Variants in ACSM2B observed in about 807,000 individuals in gnomAD.
ACSM2B encodes acyl-coenzyme A synthetase ACSM2B, mitochondrial.
A neutral mutation model predicts 78.6 loss-of-function variants in ACSM2B; 58 were observed. The ratio of observed to expected loss-of-function variants is 0.74; its 90% CI spans 0.60 to 0.92. The LOEUF (loss-of-function observed/expected upper bound fraction) is 0.92. Ranked by LOEUF, ACSM2B falls within the 40% of genes least tolerant of loss-of-function variation. ACSM2B has a pLI of 0.00. For missense variants in ACSM2B, 688 were observed against 711.2 expected (o/e 0.97, Z 0.37); for synonymous variants, 257 against 256.8 (o/e 1.00, Z -0.01).
chr16:20,568,961 T>C (rs2016014378), intron 1 of ACSM2B, among the ~76,000 whole-genome samples: 1 of 151,934 alleles, frequency 6.6e-6, no homozygotes, highest in Non-Finnish European at 1.5e-5. Context: ...TTCTGAATAT[T>C]AGTCCTTTGT....
intron 1 of ACSM2B, among the ~76,000 whole-genome samples, chr16:20,570,841 T>G (rs1408856365): frequency 6.6e-6 from 1 of 152,076 alleles, no homozygotes; most frequent in Non-Finnish European, 1.5e-5. Flanking sequence ...CTCCTCTAAG[T>G]TTTTTAGTTT....
rs757662355 is a variant in ACSM2B, at chr16:20,546,394, C to A, written c.1179G>T (p.Gln393His). 8.7e-6 allele frequency: 14 copies of A among 1,602,272 alleles called. No homozygotes were observed. The highest frequency in any genetic ancestry group is 1.1e-5 in the Non-Finnish European group (13 of 1,174,188). The change falls in exon 9 of 14, where the codon CAG becomes CAT. Residue 393 changes from glutamine (Q) to histidine (H), a missense_variant and splice_region_variant. Gln to His is a conservative substitution (Grantham distance 24, BLOSUM62 0). Transcript: ENST00000329697. ...MGTAASCYDVQVIDDKGNVLP... is the reference protein window; with the variant it reads ...MGTAASCYDVHVIDDKGNVLP... ...TCCCTCCTCAGTGTCCCGAGCAAAC[C>A]TGTACATCATAACAGGAAGCAGCCG... is the stretch of plus-strand genomic sequence containing the variant.
At chr16:20,566,676 C>CTATATATACTATATATACTAT (rs1435556712) in intron 1 of ACSM2B, among the ~76,000 whole-genome samples, 2 of 5,604 alleles carry the variant, frequency 3.6e-4, no homozygotes, top group Non-Finnish European at 7.0e-4. Context: ...ATAGTATATA[C>CTATATATACTATATATACTAT]ATATAGTATA....
chr16:20,545,102 G>T (rs549069424), intron 10 of ACSM2B, 55 bp downstream of exon 10: 9 of 1,565,282 alleles, frequency 5.7e-6, no homozygotes, highest in South Asian at 1.2e-5. Flanking sequence ...CCCTCATCCC[G>T]TTTAGTGCTC....
intron 10 of ACSM2B, chr16:20,544,748 G>C: frequency 2.0e-6 from 2 of 986,482 alleles, no homozygotes; most frequent in Non-Finnish European, 2.4e-6. Context: ...CCTCCAACTA[G>C]ATGGTGAAGT....
intron 1 of ACSM2B, among the ~76,000 whole-genome samples, chr16:20,573,462 C>T (rs2016150194): frequency 6.8e-6 from 1 of 147,236 alleles, no homozygotes; most frequent in African/African-American, 2.7e-5. Context: ...AATGCTGTCA[C>T]TACTGGGTGG....
At chr16:20,545,956 G>T (rs531828869) in intron 9 of ACSM2B, among the ~76,000 whole-genome samples, 17 of 152,064 alleles carry the variant, frequency 1.1e-4, no homozygotes, top group African/African-American at 4.1e-4. Context: ...CCCTTGGTCC[G>T]ATAAAAGGCA....
At chr16:20,573,357 C>T (rs2016146809) in intron 1 of ACSM2B, among the ~76,000 whole-genome samples, 1 of 150,320 alleles carries the variant, frequency 6.7e-6, no homozygotes, top group Admixed American at 6.6e-5. Context: ...TTGGCAACTG[C>T]CTCAGGGGAG....
At chr16:20,570,918 T>A (rs541494392) in intron 1 of ACSM2B, among the ~76,000 whole-genome samples, 1 of 151,886 alleles carries the variant, frequency 6.6e-6, no homozygotes, top group African/African-American at 2.4e-5. Flanking sequence ...AGTTGTAATA[T>A]CTCCCATTTC....
At chr16:20,557,159 T>G (rs755958490) in intron 3 of ACSM2B, among the ~76,000 whole-genome samples, 16 of 152,238 alleles carry the variant, frequency 1.1e-4, no homozygotes, top group Non-Finnish European at 1.9e-4. Context: ...AAGTTGATGA[T>G]TCTCAAATTT....
Position 20,561,967 on chromosome 16 carries a change from G to GT in ACSM2B, c.178-2521_178-2520insA, listed in dbSNP as rs1361980290. Among the ~76,000 whole-genome samples the GT allele has an allele frequency of 5.9e-3, 72 of 12,238 alleles. 1 individual carries two copies. The East Asian group carries it at 0.37, about 63-fold the overall frequency. The allele number at this position is 12,238 out of a possible 152,430, so 8.0% of individuals were successfully genotyped here. A position where few individuals can be genotyped will look rare whatever the true frequency, so the allele number is the denominator to read the frequency against. ...CTATGAGTGAGAACATGCAGTGTTT[G>GT]GTTTTTTTGTCCTTGCCATGGTTTG... On this transcript the variant is annotated intron_variant, in intron 2 of 13. Coordinates refer to ENST00000329697, the MANE Select transcript of ACSM2B (RefSeq NM_001105069.2).
At chr16:20,539,846 C>A (rs2014937460) in intron 13 of ACSM2B, among the ~76,000 whole-genome samples, 1 of 152,004 alleles carries the variant, frequency 6.6e-6, no homozygotes, top group South Asian at 2.1e-4. Context: ...AAAAAGCATT[C>A]CAAGAAATCA....
chr16:20,568,484 G>C lies in ACSM2B; in HGVS notation c.-8-3631C>G, dbSNP rs544305389. Among the ~76,000 whole-genome samples the C allele has an allele frequency of 4.7e-5, 7 of 149,932 alleles. No homozygotes were observed. In the South Asian group the frequency reaches 6.2e-4, roughly 13 times the overall value. On this transcript the variant is annotated intron_variant, in intron 1 of 13. Coordinates refer to ENST00000329697, the MANE Select transcript of ACSM2B (RefSeq NM_001105069.2). ...TTACTTGATGATTGACAGGCATTTG[G>C]GCTGGTTCCATATTCCTGTAATTGC...
At chr16:20,551,478 G>A (rs2015309173) in intron 6 of ACSM2B, among the ~76,000 whole-genome samples, 1 of 151,996 alleles carries the variant, frequency 6.6e-6, no homozygotes, top group Non-Finnish European at 1.5e-5. Context: ...GAATATAGCA[G>A]TAAGGGAGCC....
intron 2 of ACSM2B, among the ~76,000 whole-genome samples, chr16:20,563,670 C>G (rs1176248777): frequency 6.6e-6 from 1 of 151,418 alleles, no homozygotes; most frequent in Non-Finnish European, 1.5e-5. Flanking sequence ...TTTAAGAGTA[C>G]CCACACCTAG....
At chr16:20,570,966 T>C (rs1338940122) in intron 1 of ACSM2B, among the ~76,000 whole-genome samples, 2 of 152,022 alleles carry the variant, frequency 1.3e-5, no homozygotes, top group South Asian at 2.1e-4. Context: ...CTCTCTTCTT[T>C]TTTTTGGTTA....
intron 2 of ACSM2B, among the ~76,000 whole-genome samples, chr16:20,564,339 C>T (rs1193350805): frequency 2.0e-5 from 3 of 151,822 alleles, no homozygotes; most frequent in Non-Finnish European, 4.4e-5. Flanking sequence ...AGATTCAAAC[C>T]CGCCTCTTCT....
At chr16:20,554,386 C>G (rs1330621701) in intron 4 of ACSM2B, among the ~76,000 whole-genome samples, 1 of 152,158 alleles carries the variant, frequency 6.6e-6, no homozygotes, top group African/African-American at 2.4e-5. Flanking sequence ...TCCCTGGAAG[C>G]ACCTACATAT....
rs567768516 is a variant in ACSM2B, at chr16:20,551,055, A to G, written c.894+1089T>C. 8.5e-5 allele frequency among the ~76,000 whole-genome samples: 13 copies of G among 152,344 alleles called. No individual in the cohort carries two copies. The East Asian group carries it at 2.5e-3, about 29-fold the overall frequency. On this transcript the variant is annotated intron_variant, in intron 6 of 13. Coordinates refer to ENST00000329697, the MANE Select transcript of ACSM2B (RefSeq NM_001105069.2). Reference sequence around the variant, plus strand: ...CATGCAACACATGGACTAATCTCACAGAGAATATTTTGAGTAAAAGAAGCC... The same window carrying G: ...CATGCAACACATGGACTAATCTCACGGAGAATATTTTGAGTAAAAGAAGCC...
Sources: allele counts gnomAD v4.1 joint callset (sites outside exome capture counted in the v4.1 genomes callset), GRCh38; gene constraint gnomAD v4.1.1; transcripts MANE v1.5; gene names NCBI Gene and HGNC (gene_info 2026-07-23, HGNC 2026-07-21).